Variants in PRKACB observed in about 807,000 individuals in gnomAD.
PRKACB encodes the protein cAMP-dependent protein kinase catalytic subunit beta.
PRKACB carries 16 observed loss-of-function variants against 51.4 expected under a neutral mutation model. That is an observed-to-expected ratio of 0.31 (90% CI 0.21 to 0.47). The LOEUF (loss-of-function observed/expected upper bound fraction) is 0.47, where lower values mean the gene tolerates loss of function less well. Ranked by LOEUF, PRKACB falls within the 20% of genes least tolerant of loss-of-function variation. PRKACB has a pLI of 1.00. For missense variants in PRKACB, 309 were observed against 464.5 expected (o/e 0.67, Z 3.08); for synonymous variants, 147 against 154.4 (o/e 0.95, Z 0.35).
chr1:84,183,886 A>G (rs1298083555), intron 3 of PRKACB, 151 bp from the exon 4 acceptor site: 6 of 764,310 alleles, frequency 7.9e-6, no homozygotes, highest in African/African-American at 1.8e-5. Context: ...TTATGCACCA[A>G]CCTAAAAGTT....
At chr1:84,210,843 C>A (rs1303800038) in intron 8 of PRKACB, among the ~76,000 whole-genome samples, 5 of 152,060 alleles carry the variant, frequency 3.3e-5, no homozygotes, top group African/African-American at 9.7e-5. Context: ...CAACATGACT[C>A]TTTGAAAAGT....
At position 84,080,272 on chromosome 1, in the gene PRKACB, A is replaced by T. The variant is rs576902796; in HGVS notation, c.46+1901A>T. ...CCAAAACAATTCTCCCTTAGTATTA[A>T]TTTGCAACTCATAGCTGTGAAATAA... is the stretch of plus-strand genomic sequence containing the variant. On this transcript the variant is annotated intron_variant, in intron 1 of 8. Coordinates refer to the PRKACB transcript ENST00000370688. Among the ~76,000 whole-genome samples, 3 of 152,314 alleles carry T rather than the reference A, an allele frequency of 2.0e-5. No individual in the cohort carries two copies. The South Asian group carries it at 6.2e-4, about 32-fold the overall frequency.
intron 1 of PRKACB, among the ~76,000 whole-genome samples, chr1:84,101,531 T>C (rs971345291): frequency 6.6e-6 from 1 of 152,198 alleles, no homozygotes; most frequent in African/African-American, 2.4e-5. Context: ...TGGAACTTCC[T>C]ACTTTCTTTT....
At chr1:84,207,295 C>T (rs1302540615) in intron 8 of PRKACB, among the ~76,000 whole-genome samples, 1 of 152,116 alleles carries the variant, frequency 6.6e-6, no homozygotes, top group East Asian at 1.9e-4. Flanking sequence ...ACCACTGTTT[C>T]TGCATAGGTA....
intron 9 of PRKACB, among the ~76,000 whole-genome samples, chr1:84,223,106 A>G (rs796440542): frequency 4.5e-4 from 68 of 152,268 alleles, no homozygotes; most frequent in African/African-American, 1.5e-3. Flanking sequence ...GAGTTTTTCT[A>G]TGTCATTACC....
At chr1:84,195,027 A>G (rs1667825149) in intron 5 of PRKACB, among the ~76,000 whole-genome samples, 1 of 152,250 alleles carries the variant, frequency 6.6e-6, no homozygotes, top group South Asian at 2.1e-4. Flanking sequence ...CATATTAATG[A>G]CATTTTACAT....
chr1:84,169,506 A>G (rs943769216), intron 1 of PRKACB, among the ~76,000 whole-genome samples: 3 of 151,746 alleles, frequency 2.0e-5, no homozygotes, highest in African/African-American at 7.2e-5. Context: ...TAAATTAATA[A>G]TGTGAAGATC....
chr1:84,218,431 G>A (rs1351107444), intron 9 of PRKACB, among the ~76,000 whole-genome samples: 1 of 152,068 alleles, frequency 6.6e-6, no homozygotes, highest in Non-Finnish European at 1.5e-5. Context: ...TCTGTGCCTG[G>A]CTGATTTCAC....
chr1:84,143,422 A>G (rs953401937), upstream of PRKACB, among the ~76,000 whole-genome samples: 7 of 152,132 alleles, frequency 4.6e-5, no homozygotes, highest in East Asian at 5.8e-4. Context: ...CTGCACTCCA[A>G]TCTGGGAGAC....
At chr1:84,080,994 A>G (rs565616044) in intron 1 of PRKACB, among the ~76,000 whole-genome samples, 4 of 152,226 alleles carry the variant, frequency 2.6e-5, no homozygotes, top group Non-Finnish European at 5.9e-5. Context: ...ATATGTATAT[A>G]TAAGAGTTAC....
intron 8 of PRKACB, among the ~76,000 whole-genome samples, chr1:84,203,244 G>A (rs1213173203): frequency 6.6e-6 from 1 of 151,886 alleles, no homozygotes; most frequent in African/African-American, 2.4e-5. Context: ...AAATGAATAA[G>A]CCTTTTTCAG....
chr1:84,220,144 A>G (rs1164433449), intron 9 of PRKACB, among the ~76,000 whole-genome samples: 1 of 151,796 alleles, frequency 6.6e-6, no homozygotes, highest in Non-Finnish European at 1.5e-5. Flanking sequence ...AGTGTTTTGT[A>G]GTTTTTCTTG....
At chr1:84,131,002 G>A (rs980195613) in intron 1 of PRKACB, among the ~76,000 whole-genome samples, 2 of 152,080 alleles carry the variant, frequency 1.3e-5, no homozygotes, top group African/African-American at 4.8e-5. Context: ...TAATATGAAG[G>A]AGAAGACTTT....
chr1:84,168,801 C>A (rs1658396528), intron 1 of PRKACB, among the ~76,000 whole-genome samples: 1 of 151,558 alleles, frequency 6.6e-6, no homozygotes, highest in Non-Finnish European at 1.5e-5. Flanking sequence ...TACTTTCATT[C>A]TAAAACAGCT....
chr1:84,162,972 T>C (rs12129768), intron 1 of PRKACB, among the ~76,000 whole-genome samples: 12,209 of 152,214 alleles, frequency 0.08, 695 homozygotes, highest in Non-Finnish European at 0.11. Context: ...TGTCTTAATC[T>C]ATGGAATCTG....
At chr1:84,190,894 C>T (rs1398434374) in intron 5 of PRKACB, among the ~76,000 whole-genome samples, 2 of 152,032 alleles carry the variant, frequency 1.3e-5, no homozygotes, top group Non-Finnish European at 2.9e-5. Context: ...AGTTCTTTCT[C>T]CATCCCTTTA....
chr1:84,198,918 T>G (rs1443616645), intron 7 of PRKACB, among the ~76,000 whole-genome samples: 1 of 147,436 alleles, frequency 6.8e-6, no homozygotes, highest in African/African-American at 2.5e-5. Flanking sequence ...ATGTGTGGTG[T>G]GTGTGTATAT....
intron 1 of PRKACB, among the ~76,000 whole-genome samples, chr1:84,177,277 G>GT (rs1216360594): frequency 6.6e-6 from 1 of 152,056 alleles, no homozygotes; most frequent in Non-Finnish European, 1.5e-5. Flanking sequence ...AATAAATTAT[G>GT]TTTTTAATTT....
At chr1:84,110,436 A>G (rs1023203533) in intron 1 of PRKACB, among the ~76,000 whole-genome samples, 1 of 151,842 alleles carries the variant, frequency 6.6e-6, no homozygotes. Context: ...TCCTCTGGAA[A>G]GAAAATGTAA....
Sources: gnomAD v4.1 joint callset for allele counts (sites outside exome capture counted in the v4.1 genomes callset) on GRCh38, gnomAD v4.1.1 for gene constraint, MANE v1.5 for transcripts, NCBI Gene and HGNC (gene_info 2026-07-23, HGNC 2026-07-21) for gene names.